The following PLCB1 variants were observed in gnomAD, a reference collection of about 807,000 sequenced individuals.
The protein encoded by PLCB1 is phospholipase C beta 1.
In PLCB1, 46 loss-of-function variants were observed where a neutral mutation model predicts 161.8. The ratio of observed to expected loss-of-function variants is 0.28; its 90% confidence interval spans 0.22 to 0.36. PLCB1 has a LOEUF of 0.36. PLCB1 is among the 10% of genes least tolerant of loss of function. The probability of loss-of-function intolerance (pLI) is 1.00; values close to 1 mark genes in which losing one functional copy is unlikely to be tolerated. For synonymous variants in PLCB1, 517 were observed against 503.7 expected (o/e 1.03, Z -0.35); for missense variants, 1,016 against 1,472.5 (o/e 0.69, Z 5.07).
chr20:8,712,919 C>G (rs571521058), intron 12 of PLCB1, among the ~76,000 whole-genome samples: 1 of 152,174 alleles, frequency 6.6e-6, no homozygotes, highest in South Asian at 2.1e-4. Flanking sequence ...TATTGATGCT[C>G]TAAACACTTC....
At chr20:8,618,088 C>T (rs1474106459) in intron 3 of PLCB1, among the ~76,000 whole-genome samples, 3 of 152,058 alleles carry the variant, frequency 2.0e-5, no homozygotes, top group Non-Finnish European at 2.9e-5. Context: ...TGCAAGAACA[C>T]TTGACTTCCC....
chr20:8,372,613 T>C (rs2122348634), intron 3 of PLCB1, among the ~76,000 whole-genome samples: 1 of 152,362 alleles, frequency 6.6e-6, no homozygotes, highest in African/African-American at 2.4e-5. Context: ...ATCTCCTTAG[T>C]AACATGGAAT....
chr20:8,789,477 G>T (rs766232184), intron 29 of PLCB1, 41 bp from the exon 30 acceptor site: 11 of 1,285,622 alleles, frequency 8.6e-6, no homozygotes, highest in Non-Finnish European at 1.2e-5. Context: ...TGTCAATTCT[G>T]GATGAATTGG....
Position 8,297,270 on chromosome 20 carries a change from T to C in PLCB1, c.178-74112T>C, listed in dbSNP as rs980866551. Among the ~76,000 whole-genome samples the C allele has an allele frequency of 4.6e-5, 7 of 152,246 alleles. No individual in the cohort carries two copies. In the East Asian group the frequency reaches 1.4e-3, roughly 29 times the overall value. ...ATAAGTATAAAATGTACGTATAAAA[T>C]TGCGGATAAGATGGACCTAGTATGC... is the stretch of plus-strand genomic sequence containing the variant. On this transcript the variant is annotated intron_variant, in intron 2 of 31. Coordinates refer to ENST00000338037, the MANE Select transcript of PLCB1 (RefSeq NM_015192.4).
chr20:8,146,240 T>C (rs2051453143), intron 1 of PLCB1, among the ~76,000 whole-genome samples: 1 of 152,062 alleles, frequency 6.6e-6, no homozygotes, highest in African/African-American at 2.4e-5. Context: ...TGCAGGGCAA[T>C]AATGGAAAAA....
In PLCB1 at chr20:8,643,742, GCCCTCTCCCTCT is replaced by G. The variant is rs199565985; in HGVS notation, c.385-2335_385-2324del. Among the ~76,000 whole-genome samples, 320 of 101,858 alleles carry G rather than the reference GCCCTCTCCCTCT, an allele frequency of 3.1e-3. 4 individuals are homozygous for G. Among genetic ancestry groups the G allele is most frequent in the African/African-American group, 0.012 (286 of 23,300 alleles). 66.8% of individuals were successfully genotyped at this position (101,858 alleles called of 152,430 possible). A position where few individuals can be genotyped will look rare whatever the true frequency, so the allele number is the denominator to read the frequency against. Reference sequence around the variant, plus strand: ...GTCTCTACTAAAAATACAAAAAATAGCCCTCTCCCTCTCCCTCTCCCTCTCCCTCTCCCTCTT... The same window carrying G: ...GTCTCTACTAAAAATACAAAAAATAGCCCTCTCCCTCTCCCTCTCCCTCTT... On this transcript the variant is annotated intron_variant, in intron 4 of 31. Coordinates refer to ENST00000338037, the MANE Select transcript of PLCB1 (RefSeq NM_015192.4).
intron 2 of PLCB1, among the ~76,000 whole-genome samples, chr20:8,264,338 C>A (rs890305867): frequency 1.3e-5 from 2 of 152,048 alleles, no homozygotes; most frequent in African/African-American, 4.8e-5. Context: ...TCTGAAATTG[C>A]CACTGAAGGA....
intron 3 of PLCB1, among the ~76,000 whole-genome samples, chr20:8,399,066 A>C (rs1224604790): frequency 2.0e-5 from 3 of 151,248 alleles, no homozygotes; most frequent in Non-Finnish European, 4.4e-5. Flanking sequence ...TTTATAAAGA[A>C]AATTCACCTA....
chr20:8,660,250 G>C (rs1989585309), intron 9 of PLCB1, among the ~76,000 whole-genome samples: 1 of 151,978 alleles, frequency 6.6e-6, no homozygotes, highest in Non-Finnish European at 1.5e-5. Context: ...TACTTAAATA[G>C]GTTGCCCTTC....
intron 3 of PLCB1, among the ~76,000 whole-genome samples, chr20:8,404,753 G>A (rs58034788): frequency 0.018 from 2,683 of 152,176 alleles, 88 homozygotes; most frequent in African/African-American, 0.062. Flanking sequence ...TTAAAAGCAA[G>A]TCTTCTTTGC....
At chr20:8,842,917 T>C (rs1986562060) in intron 31 of PLCB1, among the ~76,000 whole-genome samples, 1 of 152,224 alleles carries the variant, frequency 6.6e-6, no homozygotes, top group Non-Finnish European at 1.5e-5. Flanking sequence ...TTTTTACTTC[T>C]TCTTTCTTTG....
chr20:8,318,455 C>T (rs2745771), intron 2 of PLCB1, among the ~76,000 whole-genome samples: 1 of 151,042 alleles, frequency 6.6e-6, no homozygotes, highest in East Asian at 2.0e-4. Context: ...TTGCCCCCCC[C>T]CTTTTTCTTT....
intron 3 of PLCB1, chr20:8,372,223 G>A (rs1037344540): frequency 2.0e-5 from 3 of 152,056 alleles, no homozygotes; most frequent in Admixed American, 6.6e-5. Context: ...AGCTCAATGC[G>A]TCTTTCCATA....
At chr20:8,527,593 A>T (rs1330292863) in intron 3 of PLCB1, among the ~76,000 whole-genome samples, 1 of 152,088 alleles carries the variant, frequency 6.6e-6, no homozygotes, top group Non-Finnish European at 1.5e-5. Context: ...ATTTTATGGG[A>T]TTAATGTCAA....
At position 8,733,452 on chromosome 20, in the gene PLCB1, A is replaced by G. The variant is rs542748047; in HGVS notation, c.2043+60A>G. On this transcript the variant is annotated intron_variant, in intron 19 of 31. Coordinates refer to ENST00000338037, the MANE Select transcript of PLCB1 (RefSeq NM_015192.4). ...ATAGTGTTGAATTTATCTACATTGC[A>G]TAAAGAAGTGGCTTAGTCATTAAAA... is the stretch of plus-strand genomic sequence containing the variant. 12 of 1,413,202 alleles carry G rather than the reference A, an allele frequency of 8.5e-6. No individual in the cohort carries two copies. In the East Asian group the frequency reaches 1.1e-4, roughly 13 times the overall value. The allele number at this position is 1,413,202 out of a possible 1,614,324, so 87.5% of individuals were successfully genotyped here. A position where few individuals can be genotyped will look rare whatever the true frequency, so the allele number is the denominator to read the frequency against.
chr20:8,853,914 G>T (rs932449822), intron 31 of PLCB1, among the ~76,000 whole-genome samples: 1 of 152,148 alleles, frequency 6.6e-6, no homozygotes, highest in Non-Finnish European at 1.5e-5. Context: ...CCATTTACTC[G>T]TAATGGGCAT....
intron 21 of PLCB1, among the ~76,000 whole-genome samples, chr20:8,740,127 A>G (rs943958511): frequency 6.6e-6 from 1 of 152,236 alleles, no homozygotes; most frequent in Admixed American, 6.5e-5. Context: ...TGTGGGAAAA[A>G]TCATACGGTT....
intron 31 of PLCB1, among the ~76,000 whole-genome samples, chr20:8,794,854 A>G (rs1033779812): frequency 6.6e-6 from 1 of 152,254 alleles, no homozygotes; most frequent in African/African-American, 2.4e-5. Flanking sequence ...AGAAATTTGA[A>G]AAGCCAATGG....
At chr20:8,148,175 C>T (rs1451649889) in intron 1 of PLCB1, among the ~76,000 whole-genome samples, 1 of 152,130 alleles carries the variant, frequency 6.6e-6, no homozygotes, top group African/African-American at 2.4e-5. Context: ...GGAATGTGTG[C>T]TGTGTGCAGC....
Sources: gnomAD v4.1 joint callset for allele counts (sites outside exome capture counted in the v4.1 genomes callset) on GRCh38, gnomAD v4.1.1 for gene constraint, MANE v1.5 for transcripts, NCBI Gene and HGNC (gene_info 2026-07-23, HGNC 2026-07-21) for gene names.